ITIH6: variants seen among roughly 807,000 people sequenced by gnomAD.
ITIH6 encodes inter-alpha-trypsin inhibitor heavy chain family member 6.
In ITIH6, 60 loss-of-function variants were observed where a neutral mutation model predicts 58.2. That is an observed-to-expected ratio of 1.03 (90% confidence interval 0.84 to 1.28). ITIH6 has a LOEUF of 1.28. Ranked by LOEUF, ITIH6 falls within the 50% of genes most tolerant of loss-of-function variation. ITIH6 has a pLI of 0.00. For missense variants in ITIH6, 1,290 were observed against 1,021.1 expected (o/e 1.26, Z -3.59); for synonymous variants, 493 against 417.4 (o/e 1.18, Z -2.21).
intron 5 of ITIH6, among the ~76,000 whole-genome samples, chrX:54,775,726 C>T (rs981305334): frequency 2.7e-5 from 3 of 111,670 alleles, no homozygotes; most frequent in Non-Finnish European, 5.6e-5. Context: ...AGAAAGTGGG[C>T]ACCCTCAATG....
intron 11 of ITIH6, among the ~76,000 whole-genome samples, 169 bp downstream of exon 11, chrX:54,753,482 G>A (rs1469336055): frequency 2.7e-5 from 3 of 111,629 alleles, no homozygotes. Flanking sequence ...TGGTGTTTGA[G>A]TGTATTCATG....
At chrX:54,756,313 A>C (rs1400898772) in intron 8 of ITIH6, among the ~76,000 whole-genome samples, 1 of 111,489 alleles carries the variant, frequency 9.0e-6, no homozygotes, top group Non-Finnish European at 1.9e-5. Flanking sequence ...GTATGAGTTC[A>C]ACTCTCTGAC....
At chrX:54,771,756 A>G (rs1289857169) in intron 6 of ITIH6, among the ~76,000 whole-genome samples, 2 of 112,073 alleles carry the variant, frequency 1.8e-5, no homozygotes, top group East Asian at 5.6e-4. Context: ...ATCACTGATC[A>G]TTAGAGAAAT....
intron 5 of ITIH6, among the ~76,000 whole-genome samples, chrX:54,774,491 T>C (rs1472384938): frequency 8.8e-6 from 1 of 113,242 alleles, no homozygotes; most frequent in Non-Finnish European, 1.9e-5. Flanking sequence ...TGTGAGTTCC[T>C]GTCTGTGAGA....
rs901665060 is a variant in ITIH6, at chrX:54,757,226, G to T, written c.2848C>A (p.Pro950Thr). Reference sequence around the variant, plus strand: ...CCCAGAACTTGCCTGGTCCTCTGGGGACCCGGGAGGAGGTCATACTGATGC... The same window carrying T: ...CCCAGAACTTGCCTGGTCCTCTGGGTACCCGGGAGGAGGTCATACTGATGC... ...FWHQYDLLPGPQRTRQVLGPS... is the reference protein window; with the variant it reads ...FWHQYDLLPGTQRTRQVLGPS... The change falls in exon 8 of 13, where the codon CCC (proline) becomes ACC (threonine). Residue 950 changes from proline (P) to threonine (T), a missense_variant. Physicochemically the swap from Pro to Thr is conservative, Grantham distance 38. Transcript: ENST00000218436. 4 of 1,193,896 alleles carry T rather than the reference G, an allele frequency of 3.4e-6. No individual in the cohort carries two copies. Among genetic ancestry groups the T allele is most frequent in the Admixed American group, 2.2e-5 (1 of 44,598 alleles).
At chrX:54,762,544 T>C (rs1180395080) in intron 6 of ITIH6, among the ~76,000 whole-genome samples, 1 of 111,911 alleles carries the variant, frequency 8.9e-6, no homozygotes, top group East Asian at 2.8e-4. Flanking sequence ...TGCTATTTTA[T>C]GCTCTTTAGA....
At chrX:54,773,852 A>G (rs1929001320) in intron 6 of ITIH6, among the ~76,000 whole-genome samples, 1 of 110,163 alleles carries the variant, frequency 9.1e-6, no homozygotes, top group South Asian at 4.0e-4. Flanking sequence ...TGAGGGTCTC[A>G]ATGGTTTCAC....
chrX:54,759,872 T>A lies in ITIH6; in HGVS notation c.959A>T (p.Asn320Ile). 8.3e-7 allele frequency: 1 copy of A among 1,210,416 alleles called. No individual in the cohort carries two copies. Among genetic ancestry groups the A allele is most frequent in the Non-Finnish European group, 1.1e-6 (1 of 894,119 alleles). Residue 320 changes from asparagine to isoleucine, a missense_variant, in exon 7 of 13, where the codon AAC (asparagine) becomes ATC (isoleucine). Coordinates refer to ENST00000218436, the MANE Select transcript of ITIH6 (RefSeq NM_198510.3). ...AACTGTGTCAGAAAAGGAGATGATG[T>A]TGAAGTAGTCATTGGCTTGAAGGTC... The part of the protein sequence containing the change: ...LSDLQANDYF[N>I]IISFSDTVNV...
intron 1 of ITIH6, among the ~76,000 whole-genome samples, 180 bp from the exon 2 acceptor site, chrX:54,797,276 C>A (rs927171225): frequency 8.9e-6 from 1 of 111,835 alleles, no homozygotes; most frequent in African/African-American, 3.2e-5. Context: ...ATTACTTCAG[C>A]AAGCTTTATC....
chrX:54,755,092 C>T lies in ITIH6; in HGVS notation c.3127G>A (p.Gly1043Ser). 1 of 1,208,740 alleles carries T rather than the reference C, an allele frequency of 8.3e-7. No individual in the cohort carries two copies. Among genetic ancestry groups the T allele is most frequent in the Non-Finnish European group, 1.1e-6 (1 of 893,046 alleles). ...CCTCCCAGGATCTCCTCAGAATTGC[C>T]ATCCCAGTTTGGACTTCCTGCCAAG... is the stretch of plus-strand genomic sequence containing the variant. ...PDEDGSPNWDGNSEEILGGAG... is the reference protein window; with the variant it reads ...PDEDGSPNWDSNSEEILGGAG... Residue 1043 changes from glycine to serine, a missense_variant, in exon 9 of 13, where the codon GGC becomes AGC. Gly to Ser is a moderately conservative substitution (Grantham distance 56). Transcript: ENST00000218436.
At chrX:54,753,800 A>T (rs1928426172) in intron 10 of ITIH6, 36 bp from the exon 11 acceptor site, 1 of 1,136,209 alleles carries the variant, frequency 8.8e-7, no homozygotes, top group African/African-American at 1.8e-5. Context: ...AAGTTAAAGG[A>T]ATAAATGGAA....
intron 6 of ITIH6, among the ~76,000 whole-genome samples, chrX:54,770,143 C>T (rs1479877447): frequency 1.8e-5 from 2 of 112,591 alleles, no homozygotes; most frequent in Non-Finnish European, 3.8e-5. Context: ...CCCGATTTTT[C>T]AGGTGCGTCC....
At chrX:54,760,066 AG>A in intron 6 of ITIH6, 139 bp from the exon 7 acceptor site, 1 of 490,130 alleles carries the variant, frequency 2.0e-6, no homozygotes, top group Non-Finnish European at 3.4e-6. Flanking sequence ...CTGTGAATCT[AG>A]GATTCTCAGG....
At chrX:54,772,458 T>C (rs1317340184) in intron 6 of ITIH6, among the ~76,000 whole-genome samples, 1 of 112,150 alleles carries the variant, frequency 8.9e-6, no homozygotes, top group African/African-American at 3.2e-5. Context: ...ATACTAAATT[T>C]ACCCATGTAA....
chrX:54,749,569 A>C lies in ITIH6; in HGVS notation c.*326T>G, dbSNP rs989732734. 2 of 217,962 alleles carry C rather than the reference A, an allele frequency of 9.2e-6. No individual in the cohort carries two copies. The highest frequency in any genetic ancestry group is 2.9e-5 in the African/African-American group (1 of 34,514). 18.0% of individuals were successfully genotyped at this position (217,962 alleles called of 1,213,427 possible). On this transcript the variant is annotated 3_prime_UTR_variant, in exon 13 of 13. Coordinates refer to ENST00000218436, the MANE Select transcript of ITIH6 (RefSeq NM_198510.3). Reference sequence around the variant, plus strand: ...AAACTCTGAGAGCCTTGAATATGCCATAGGAGTTAGGGAAAGCTGTGAGCA... The same window carrying C: ...AAACTCTGAGAGCCTTGAATATGCCCTAGGAGTTAGGGAAAGCTGTGAGCA...
At position 54,757,000 on chromosome X, in the gene ITIH6, G is replaced by T; in HGVS notation, c.3074C>A (p.Pro1025Gln). 8.3e-7 allele frequency: 1 copy of T among 1,202,069 alleles called. No individual in the cohort carries two copies. The highest frequency in any genetic ancestry group is 1.1e-6 in the Non-Finnish European group (1 of 890,016). Residue 1025 changes from proline (P) to glutamine (Q), a missense_variant, in exon 8 of 13, where the codon CCA (proline) becomes CAA (glutamine). Transcript: ENST00000218436. ...ESKFVESLNPPAFYTFLTPDE... is the reference protein window; with the variant it reads ...ESKFVESLNPQAFYTFLTPDE... Reference sequence around the variant, plus strand: ...AGGAGTGAGGAAGGTATAGAAAGCTGGTGGGTTCAAGGACTCCACGAACTT... The same window carrying T: ...AGGAGTGAGGAAGGTATAGAAAGCTTGTGGGTTCAAGGACTCCACGAACTT...
chrX:54,768,344 C>T (rs1304153599), intron 6 of ITIH6, among the ~76,000 whole-genome samples: 2 of 83,868 alleles, frequency 2.4e-5, no homozygotes, highest in African/African-American at 1.0e-4. Flanking sequence ...ACTCTTTATC[C>T]AACTTGCCAG....
chrX:54,763,598 C>T (rs750125238), intron 6 of ITIH6, among the ~76,000 whole-genome samples: 5 of 112,184 alleles, frequency 4.5e-5, no homozygotes, highest in East Asian at 2.8e-4. Flanking sequence ...AAATGTTCCA[C>T]GTGAGCTTGA....
At chrX:54,759,544 C>T (rs1928591132) in intron 7 of ITIH6, among the ~76,000 whole-genome samples, 1 of 112,132 alleles carries the variant, frequency 8.9e-6, no homozygotes, top group Non-Finnish European at 1.9e-5. Flanking sequence ...AAGAAATGTG[C>T]CCTAAGATAC....
Sources: allele counts gnomAD v4.1 joint callset (sites outside exome capture counted in the v4.1 genomes callset), GRCh38; gene constraint gnomAD v4.1.1; transcripts MANE v1.5; gene names NCBI Gene and HGNC (gene_info 2026-07-23, HGNC 2026-07-21).